The following NCOR2 variants were observed in gnomAD, a reference collection of about 807,000 sequenced individuals.
NCOR2 encodes the protein nuclear receptor corepressor 2.
NCOR2 carries 81 observed loss-of-function variants against 262.9 expected under a neutral mutation model. The observed-to-expected ratio is 0.31, with a 90% CI of 0.26 to 0.37. NCOR2 has a LOEUF of 0.37. NCOR2 is among the 10% of genes least tolerant of loss of function. The pLI, the probability that NCOR2 is intolerant of heterozygous loss-of-function variation, is 1.00. For synonymous variants in NCOR2, 1,659 were observed against 1,559.3 expected (o/e 1.06, Z -1.51); for missense variants, 3,385 against 3,621.4 (o/e 0.93, Z 1.68).
chr12:124,333,997 T>TGG (rs2035624681), intron 41 of NCOR2, among the ~76,000 whole-genome samples: 1 of 151,444 alleles, frequency 6.6e-6, no homozygotes, highest in African/African-American at 2.4e-5. Flanking sequence ...TGCATGTGTG[T>TGG]GTGTGCGCAT....
rs866329708 is a variant in NCOR2 at position 124,548,490 on chromosome 12, T to G, written c.-164-12879A>C. The stretch of plus-strand genomic sequence containing the variant: ...CAGACGGCGACAGAGTGGGGGTCCA[T>G]CATGGTGCCTGGTCTGCCATTCTTT... On this transcript the variant is annotated intron_variant, in intron 1 of 32. Transcript: ENST00000458234. This position sits in a 1 kb window ranked among gnomAD's most constrained non-coding sequence, Gnocchi z 5.1. 1.3e-5 allele frequency among the ~76,000 whole-genome samples: 2 copies of G among 152,078 alleles called. No individual in the cohort carries two copies. Among genetic ancestry groups the G allele is most frequent in the Admixed American group, 1.3e-4 (2 of 15,284 alleles).
rs757029804 is a variant in NCOR2, at chr12:124,385,729, G to A, written c.2019+16C>T. 27 of 1,612,602 alleles carry A rather than the reference G, an allele frequency of 1.7e-5. No homozygotes were observed. Among genetic ancestry groups the A allele is most frequent in the South Asian group, 3.3e-5 (3 of 90,934 alleles). ...CAGCTTCCCAGAGGCGCGGTGCAGC[G>A]TGACTGGGGGCTCACCATCTTCAGC... is the stretch of plus-strand genomic sequence containing the variant. On this transcript the variant is annotated intron_variant, in intron 17 of 46. Coordinates refer to ENST00000405201, the Ensembl canonical transcript of NCOR2.
intron 1 of NCOR2, among the ~76,000 whole-genome samples, chr12:124,527,170 A>G (rs985442080): frequency 6.6e-6 from 1 of 152,184 alleles, no homozygotes; most frequent in Non-Finnish European, 1.5e-5. Context: ...ATCCCTGAAC[A>G]GGCCGTGCTG....
At chr12:124,475,797 G>T (rs1457970481) in intron 3 of NCOR2, among the ~76,000 whole-genome samples, 1 of 152,186 alleles carries the variant, frequency 6.6e-6, no homozygotes, top group Non-Finnish European at 1.5e-5. Context: ...GTGCTTGAAG[G>T]GGGAGGCTGC....
At chr12:124,534,638 C>T (rs1266377476) in intron 1 of NCOR2, among the ~76,000 whole-genome samples, 1 of 152,204 alleles carries the variant, frequency 6.6e-6, no homozygotes, top group East Asian at 1.9e-4. Context: ...AGCCTCCATG[C>T]GCACGAGCCC....
rs77736966 is a variant in NCOR2 at position 124,358,710 on chromosome 12, C to T, written c.3101-1928G>A. On this transcript the variant is annotated intron_variant, in intron 22 of 46. Coordinates refer to ENST00000405201, the Ensembl canonical transcript of NCOR2. Reference sequence around the variant, plus strand: ...AAGCCCACTGAGCCAGTGCAAGCAGCGGTTGTGCGCTGGCTGGCTGAGAAG... The same window carrying T: ...AAGCCCACTGAGCCAGTGCAAGCAGTGGTTGTGCGCTGGCTGGCTGAGAAG... Among the ~76,000 whole-genome samples the T allele has an allele frequency of 9.3e-3, 1,419 of 152,352 alleles. 52 individuals are homozygous for T. In the East Asian group the frequency reaches 0.095, roughly 10 times the overall value.
chr12:124,520,055 G>A (rs2050091170), intron 1 of NCOR2, among the ~76,000 whole-genome samples: 1 of 152,230 alleles, frequency 6.6e-6, no homozygotes, highest in Non-Finnish European at 1.5e-5. Flanking sequence ...ACTGGCAGGG[G>A]GCCCAGACTG....
intron 1 of NCOR2, among the ~76,000 whole-genome samples, chr12:124,509,881 C>CAGT (rs1383346198): frequency 6.6e-6 from 1 of 152,110 alleles, no homozygotes; most frequent in Non-Finnish European, 1.5e-5. Flanking sequence ...CCGCCCCCCA[C>CAGT]AGTAACCTGA....
intron 13 of NCOR2, among the ~76,000 whole-genome samples, chr12:124,404,397 A>G (rs2042156321): frequency 6.6e-6 from 1 of 152,220 alleles, no homozygotes; most frequent in African/African-American, 2.4e-5. Flanking sequence ...TGTGCCAAGA[A>G]GTCCCCACCT....
Position 124,517,034 on chromosome 12 carries a change from A to T in NCOR2, c.-118+18531T>A, listed in dbSNP as rs2137057966. Reference sequence around the variant, plus strand: ...CCAGGAAGTGTCCAACCAGGACAGGAACCCAGGCAGTCTGCCCCGCGTTCC... The same window carrying T: ...CCAGGAAGTGTCCAACCAGGACAGGTACCCAGGCAGTCTGCCCCGCGTTCC... On this transcript the variant is annotated intron_variant, in intron 1 of 46. Transcript: ENST00000404621. This position sits in a 1 kb window ranked among gnomAD's most constrained non-coding sequence, Gnocchi z 7.6. Among the ~76,000 whole-genome samples the T allele has an allele frequency of 6.6e-6, 1 of 152,260 alleles. No homozygotes were observed. Among genetic ancestry groups the T allele is most frequent in the South Asian group, 2.1e-4 (1 of 4,822 alleles).
At chr12:124,472,805 C>G in intron 4 of NCOR2, 147 bp downstream of exon 6, 1 of 1,008,686 alleles carries the variant, frequency 9.9e-7, no homozygotes, top group Non-Finnish European at 1.5e-6. Context: ...TGTGGATGTG[C>G]TCCTGTCCAA....
chr12:124,374,304 C>G (rs1338161079), intron 19 of NCOR2, 109 bp downstream of exon 21: 2 of 1,143,412 alleles, frequency 1.7e-6, no homozygotes, highest in East Asian at 2.5e-5. Context: ...GTGGCGCTCA[C>G]AGAAAGAGGC....
chr12:124,435,495 C>G (rs1214059113), intron 8 of NCOR2, among the ~76,000 whole-genome samples: 2 of 152,250 alleles, frequency 1.3e-5, no homozygotes, highest in Admixed American at 6.5e-5. Flanking sequence ...TCCCAGGCAC[C>G]AGCATCTGGC....
chr12:124,499,235 C>T (rs2048548972), upstream of NCOR2, among the ~76,000 whole-genome samples: 1 of 152,238 alleles, frequency 6.6e-6, no homozygotes, highest in Admixed American at 6.5e-5. Flanking sequence ...AAAGGAGGTT[C>T]TGAGGATGGA....
chr12:124,537,865 T>C (rs2051163117), upstream of NCOR2: 1 of 152,298 alleles, frequency 6.6e-6, no homozygotes, highest in South Asian at 2.1e-4. Context: ...TTAAGCGTTT[T>C]TTTCACTATG....
intron 13 of NCOR2, among the ~76,000 whole-genome samples, chr12:124,415,617 C>T (rs1310904341): frequency 6.6e-6 from 1 of 152,256 alleles, no homozygotes; most frequent in Non-Finnish European, 1.5e-5. Flanking sequence ...GCCCGGCTTG[C>T]TTTCTGCCAT....
chr12:124,467,244 T>C, intron 4 of NCOR2, among the ~76,000 whole-genome samples: 1 of 53,358 alleles, frequency 1.9e-5, no homozygotes. Flanking sequence ...CTCATCTTCA[T>C]CCCCATCACC....
At chr12:124,484,388 C>T (rs770878869) in intron 2 of NCOR2, among the ~76,000 whole-genome samples, 7 of 152,216 alleles carry the variant, frequency 4.6e-5, no homozygotes, top group Non-Finnish European at 1.0e-4. Context: ...CCCTCCTCCG[C>T]AGTGTGCCTA....
At chr12:124,421,512 T>G (rs1631700) in intron 12 of NCOR2, among the ~76,000 whole-genome samples, 1 of 152,200 alleles carries the variant, frequency 6.6e-6, no homozygotes, top group Non-Finnish European at 1.5e-5. Context: ...TTTTCCCCAC[T>G]CTGCTCGGTC....
Sources: allele counts gnomAD v4.1 joint callset (sites outside exome capture counted in the v4.1 genomes callset), GRCh38; gene constraint gnomAD v4.1.1; non-coding constraint Gnocchi (gnomAD v3.1); transcripts MANE v1.5; gene names NCBI Gene and HGNC (gene_info 2026-07-23, HGNC 2026-07-21).